WDR72: variants seen among roughly 807,000 people sequenced by gnomAD.
The protein encoded by WDR72 is WD repeat domain 72, also known as WD repeat-containing protein 72.
Under a neutral mutation model 124.2 loss-of-function variants are expected in WDR72, and 120 were observed. The ratio of observed to expected loss-of-function variants is 0.97; its 90% CI spans 0.83 to 1.12. The LOEUF (loss-of-function observed/expected upper bound fraction) is 1.12. Ranked by LOEUF, WDR72 falls within the 50% of genes most tolerant of loss-of-function variation. WDR72 has a pLI of 0.00. For synonymous variants in WDR72, 452 were observed against 441.7 expected (o/e 1.02, Z -0.29); for missense variants, 1,387 against 1,278.8 (o/e 1.08, Z -1.29).
In WDR72 at chr15:53,616,004, A is replaced by G; in HGVS notation, c.2202T>C (p.Cys734=). 1 of 1,613,344 alleles carries G rather than the reference A, an allele frequency of 6.2e-7. No individual in the cohort carries two copies. The highest frequency in any genetic ancestry group is 2.2e-5 in the East Asian group (1 of 44,846). ...CTAGTGCCTCTGCTGAAAGAGGACC[A>G]CAGGCAGTTTTACTTTTTCTCAGTG... ...TLTLRKSKTA[C]GPLSAEALAK... Residue 734 remains cysteine (C), a synonymous_variant, in exon 15 of 20, where the codon TGT becomes TGC. Coordinates refer to ENST00000360509, the MANE Select transcript of WDR72 (RefSeq NM_182758.4).
intron 18 of WDR72, among the ~76,000 whole-genome samples, chr15:53,548,837 G>C (rs1459037780): frequency 1.3e-5 from 2 of 152,140 alleles, no homozygotes; most frequent in African/African-American, 4.8e-5. Flanking sequence ...TTAGAATTCA[G>C]AGTCAACAGA....
At chr15:53,622,636 G>A (rs1296842691) in intron 14 of WDR72, among the ~76,000 whole-genome samples, 1 of 152,016 alleles carries the variant, frequency 6.6e-6, no homozygotes, top group Non-Finnish European at 1.5e-5. Flanking sequence ...GGAGGGAGCA[G>A]GGGGAGGGAG....
At chr15:53,697,895 G>A (rs1222686819) in intron 13 of WDR72, among the ~76,000 whole-genome samples, 3 of 151,988 alleles carry the variant, frequency 2.0e-5, no homozygotes, top group East Asian at 1.9e-4. Context: ...TGCAAGCTCC[G>A]CCTCCCGGGT....
intron 14 of WDR72, among the ~76,000 whole-genome samples, chr15:53,637,385 C>T (rs1307020547): frequency 6.6e-6 from 1 of 152,116 alleles, no homozygotes; most frequent in East Asian, 1.9e-4. Flanking sequence ...TTCCCCAGAA[C>T]ATTTTTACTT....
intron 13 of WDR72, among the ~76,000 whole-genome samples, chr15:53,672,434 G>A (rs1458971313): frequency 6.6e-6 from 1 of 152,036 alleles, no homozygotes; most frequent in Non-Finnish European, 1.5e-5. Flanking sequence ...CTGTAAATCA[G>A]TATGTTGCTA....
chr15:53,740,937 T>C (rs1390658329), intron 1 of WDR72, among the ~76,000 whole-genome samples: 1 of 152,216 alleles, frequency 6.6e-6, no homozygotes, highest in Non-Finnish European at 1.5e-5. Context: ...CAGAGAGCAA[T>C]ACTAATAACT....
chr15:53,527,906 C>G (rs1186827062), intron 18 of WDR72, among the ~76,000 whole-genome samples: 3 of 152,028 alleles, frequency 2.0e-5, no homozygotes, highest in Non-Finnish European at 4.4e-5. Flanking sequence ...GAATGCCATC[C>G]TGCTTTATAA....
intron 18 of WDR72, among the ~76,000 whole-genome samples, chr15:53,591,102 T>C (rs939013835): frequency 6.6e-6 from 1 of 151,998 alleles, no homozygotes; most frequent in African/African-American, 2.4e-5. Context: ...GGCTAAATCC[T>C]GTTCATCCTT....
At chr15:53,656,539 A>G (rs568887509) in intron 14 of WDR72, among the ~76,000 whole-genome samples, 11 of 152,262 alleles carry the variant, frequency 7.2e-5, no homozygotes, top group African/African-American at 2.6e-4. Flanking sequence ...GTTTCAACAT[A>G]AGTCATTGGT....
chr15:53,696,959 C>A (rs1044064397), intron 13 of WDR72, among the ~76,000 whole-genome samples: 4 of 152,156 alleles, frequency 2.6e-5, no homozygotes, highest in Admixed American at 6.5e-5. Flanking sequence ...AGTGAAGAGG[C>A]ACGTCACAAA....
intron 13 of WDR72, among the ~76,000 whole-genome samples, chr15:53,694,174 G>T (rs1448317616): frequency 6.6e-6 from 1 of 152,196 alleles, no homozygotes; most frequent in Non-Finnish European, 1.5e-5. Flanking sequence ...TCCAACAGGA[G>T]TCACGGGATG....
intron 18 of WDR72, among the ~76,000 whole-genome samples, chr15:53,587,614 C>G (rs1226405849): frequency 6.6e-6 from 1 of 151,930 alleles, no homozygotes; most frequent in Non-Finnish European, 1.5e-5. Context: ...TTCAAGGGAG[C>G]ATTACAAAAT....
chr15:53,605,249 G>A (rs7171089), intron 17 of WDR72, among the ~76,000 whole-genome samples: 115,998 of 152,098 alleles, frequency 0.76, 44,476 homozygotes, highest in Middle Eastern at 0.9. Context: ...ACAGAAAACC[G>A]AATACTGCAT....
At chr15:53,547,474 T>A (rs1893531808) in intron 18 of WDR72, among the ~76,000 whole-genome samples, 1 of 152,190 alleles carries the variant, frequency 6.6e-6, no homozygotes, top group South Asian at 2.1e-4. Context: ...CAATGAGTGC[T>A]ACTGGGTGAC....
chr15:53,546,739 A>G (rs185109648), intron 18 of WDR72, among the ~76,000 whole-genome samples: 5 of 152,078 alleles, frequency 3.3e-5, no homozygotes, highest in Non-Finnish European at 5.9e-5. Context: ...CAAACAAACC[A>G]CTAACAAATC....
chr15:53,735,282 CAG>C (rs1491535301), intron 1 of WDR72, among the ~76,000 whole-genome samples: 2 of 151,832 alleles, frequency 1.3e-5, no homozygotes, highest in African/African-American at 2.4e-5. Flanking sequence ...CAGAGCAAGA[CAG>C]GGGGGAAAAA....
chr15:53,729,967 A>C (rs1476093154), intron 2 of WDR72, among the ~76,000 whole-genome samples: 1 of 152,238 alleles, frequency 6.6e-6, no homozygotes, highest in Non-Finnish European at 1.5e-5. Flanking sequence ...TCAATTAAAA[A>C]TAATTTCAAA....
intron 1 of WDR72, among the ~76,000 whole-genome samples, chr15:53,751,476 A>G (rs1219103342): frequency 6.6e-6 from 1 of 152,192 alleles, no homozygotes; most frequent in Non-Finnish European, 1.5e-5. Flanking sequence ...CACAGTATGC[A>G]CATTGTTACT....
intron 1 of WDR72, among the ~76,000 whole-genome samples, chr15:53,733,918 A>C (rs1429900308): frequency 6.6e-6 from 1 of 152,142 alleles, no homozygotes; most frequent in Non-Finnish European, 1.5e-5. Context: ...TCCTTCCTGA[A>C]ACACAAACAA....
Sources: allele counts gnomAD v4.1 joint callset (sites outside exome capture counted in the v4.1 genomes callset), GRCh38; gene constraint gnomAD v4.1.1; transcripts MANE v1.5; gene names NCBI Gene and HGNC (gene_info 2026-07-23, HGNC 2026-07-21).